Variants in MYOM2 observed in about 807,000 individuals in gnomAD.
MYOM2 encodes the protein myomesin-2.
MYOM2 carries 254 observed loss-of-function variants against 187.6 expected under a neutral mutation model. The ratio of observed to expected loss-of-function variants is 1.35; its 90% CI spans 1.22 to 1.50. The LOEUF (loss-of-function observed/expected upper bound fraction) is 1.50. MYOM2 is among the 40% of genes most tolerant of loss of function. The pLI, the probability that MYOM2 is intolerant of heterozygous loss-of-function variation, is 0.00. For synonymous variants in MYOM2, 981 were observed against 753.8 expected, an observed-to-expected ratio of 1.30 and a Z score of -4.94; for missense variants, 2,796 against 1,924.0, an observed-to-expected ratio of 1.45 and a Z score of -8.48.
rs1337238071 is a variant in MYOM2 at position 2,059,199 on chromosome 8, T to A, written c.607T>A (p.Tyr203Asn). 6.2e-7 allele frequency: 1 copy of A among 1,614,114 alleles called. No homozygotes were observed. Among genetic ancestry groups the A allele is most frequent in the Non-Finnish European group, 8.5e-7 (1 of 1,180,026 alleles). The part of the protein sequence containing the change: ...LICQAAEPGK[Y>N]RIESNYGVHT... Reference sequence around the variant, plus strand: ...TTGCCAGGCGGCTGAACCGGGAAAGTACAGGATTGAGAGCAACTATGGCGT... The same window carrying A: ...TTGCCAGGCGGCTGAACCGGGAAAGAACAGGATTGAGAGCAACTATGGCGT... The change falls in exon 6 of 37, where the codon TAC (tyrosine) becomes AAC (asparagine). Residue 203 changes from tyrosine (Y) to asparagine (N), a missense_variant. Tyr to Asn is a moderately radical substitution (Grantham distance 143). Transcript: ENST00000262113.
chr8:2,096,563 T>A, intron 18 of MYOM2, 129 bp downstream of exon 18: 1 of 894,606 alleles, frequency 1.1e-6, no homozygotes, highest in Non-Finnish European at 1.7e-6. Flanking sequence ...AATAGCATCA[T>A]GAGATCATGA....
chr8:2,059,178 C>G lies in MYOM2; in HGVS notation c.586C>G (p.Gln196Glu). The change falls in exon 6 of 37, where the codon CAG (glutamine) becomes GAG (glutamate). Residue 196 changes from glutamine (Q) to glutamate (E), a missense_variant. Gln to Glu is a conservative substitution (Grantham distance 29, BLOSUM62 2). Transcript: ENST00000262113. ...GTACAAAGATGGCAGTCTGATTTGCCAGGCGGCTGAACCGGGAAAGTACAG... is the reference window on the plus strand; with the variant it reads ...GTACAAAGATGGCAGTCTGATTTGCGAGGCGGCTGAACCGGGAAAGTACAG... The part of the protein sequence containing the change: ...QWYKDGSLIC[Q>E]AAEPGKYRIE... The G allele has an allele frequency of 6.2e-7, 1 of 1,614,148 alleles. No homozygotes were observed. Among genetic ancestry groups the G allele is most frequent in the South Asian group, 1.1e-5 (1 of 91,084 alleles).
chr8:2,100,568 G>A, intron 19 of MYOM2: 1 of 351,392 alleles, frequency 2.8e-6, no homozygotes, highest in Non-Finnish European at 5.3e-6. Context: ...TTGAGAACCT[G>A]TCCTTTCCCG....
intron 31 of MYOM2, among the ~76,000 whole-genome samples, chr8:2,125,676 C>T (rs1415385986): frequency 1.6e-5 from 2 of 128,084 alleles, no homozygotes; most frequent in African/African-American, 3.0e-5. Flanking sequence ...GGGTGAATCT[C>T]GGCTCACTGC....
chr8:2,080,288 G>A (rs572228994), intron 13 of MYOM2, among the ~76,000 whole-genome samples: 1 of 152,212 alleles, frequency 6.6e-6, no homozygotes, highest in Non-Finnish European at 1.5e-5. Flanking sequence ...TGAGCTGCTC[G>A]CTAAAATCAC....
chr8:2,100,798 G>T (rs572398694), intron 19 of MYOM2, 78 bp from the exon 20 acceptor site: 22 of 1,442,516 alleles, frequency 1.5e-5, no homozygotes, highest in Non-Finnish European at 1.9e-5. Context: ...GGAGCAGTGG[G>T]TCCCCGGGGC....
At chr8:2,078,624 G>A (rs944680739) in intron 11 of MYOM2, 110 bp from the exon 12 acceptor site, 2 of 970,352 alleles carry the variant, frequency 2.1e-6, no homozygotes, top group Non-Finnish European at 3.2e-6. Flanking sequence ...TTACTGGCGT[G>A]AGATATTGTC....
In MYOM2 at chr8:2,057,692, G is replaced by C; in HGVS notation, c.472G>C (p.Val158Leu). ...GATAAGCAGGGCTCCTGAGATCCTG[G>C]TGCGGCTGCGATCCCACACCGTCTG... ...ERISRAPEIL[V>L]RLRSHTVWER... Residue 158 changes from valine to leucine, a missense_variant, in exon 5 of 37, where the codon GTG (valine) becomes CTG (leucine). Transcript: ENST00000262113. 1 of 1,614,114 alleles carries C rather than the reference G, an allele frequency of 6.2e-7. No individual in the cohort carries two copies. The highest frequency in any genetic ancestry group is 8.5e-7 in the Non-Finnish European group (1 of 1,180,024).
chr8:2,113,973 G>C (rs575682833), intron 25 of MYOM2, among the ~76,000 whole-genome samples: 1 of 152,226 alleles, frequency 6.6e-6, no homozygotes. Context: ...CAGACGGCAG[G>C]TGGATAGGTA....
chr8:2,082,580 A>T (rs530883318), intron 13 of MYOM2, among the ~76,000 whole-genome samples: 2 of 152,288 alleles, frequency 1.3e-5, no homozygotes, highest in African/African-American at 4.8e-5. Context: ...TTGAATGGCT[A>T]TCCATGCGCT....
intron 14 of MYOM2, 23 bp from the exon 15 acceptor site, chr8:2,089,985 C>G: frequency 6.2e-7 from 1 of 1,610,976 alleles, no homozygotes; most frequent in Non-Finnish European, 8.5e-7. Flanking sequence ...CACTGCCAGT[C>G]TCGTTTCTGT....
intron 5 of MYOM2, 111 bp downstream of exon 5, chr8:2,057,891 T>G: frequency 4.5e-6 from 5 of 1,112,808 alleles, no homozygotes; most frequent in Non-Finnish European, 2.5e-6. Flanking sequence ...GCCACTTACC[T>G]TGAAACTCTA....
chr8:2,136,995 C>G (rs1259505686), intron 32 of MYOM2, among the ~76,000 whole-genome samples: 1 of 152,086 alleles, frequency 6.6e-6, no homozygotes, highest in Non-Finnish European at 1.5e-5. Context: ...CTTCATGGCT[C>G]TAAGTCTAAA....
chr8:2,097,579 A>G (rs1796537681), intron 18 of MYOM2, among the ~76,000 whole-genome samples: 1 of 152,098 alleles, frequency 6.6e-6, no homozygotes, highest in African/African-American at 2.4e-5. Context: ...CAGTGGCACG[A>G]TCTCGGCTCA....
At position 2,111,658 on chromosome 8, in the gene MYOM2, G is replaced by A. The variant is rs187257337; in HGVS notation, c.3180+2127G>A. ...GGACGGTGTATCCACTGGAATCTCA[G>A]GTCCCTCTCCTGCTCATGGTACCTC... On this transcript the variant is annotated intron_variant, in intron 25 of 36. Transcript: ENST00000262113. Among the ~76,000 whole-genome samples, 260 of 152,320 alleles carry A rather than the reference G, an allele frequency of 1.7e-3. 1 individual carries two copies. The highest frequency in any genetic ancestry group is 6.1e-3 in the African/African-American group (254 of 41,590).
At chr8:2,135,177 G>A (rs1798024876) in intron 32 of MYOM2, among the ~76,000 whole-genome samples, 1 of 152,098 alleles carries the variant, frequency 6.6e-6, no homozygotes, top group South Asian at 2.1e-4. Flanking sequence ...TTTACATCAA[G>A]CAGTTTCAGA....
At chr8:2,136,875 C>G (rs747090861) in intron 32 of MYOM2, among the ~76,000 whole-genome samples, 1 of 152,202 alleles carries the variant, frequency 6.6e-6, no homozygotes, top group Non-Finnish European at 1.5e-5. Flanking sequence ...GCCGCAAAGG[C>G]TAAAACGCTG....
chr8:2,100,424 C>T (rs1796667068), intron 19 of MYOM2: 2 of 168,352 alleles, frequency 1.2e-5, no homozygotes, highest in African/African-American at 2.4e-5. Flanking sequence ...TGGACCTGGG[C>T]CTCCGCACCA....
intron 6 of MYOM2, among the ~76,000 whole-genome samples, chr8:2,063,425 A>T (rs1353372741): frequency 6.6e-6 from 1 of 152,142 alleles, no homozygotes; most frequent in East Asian, 1.9e-4. Flanking sequence ...TTAAATTTGT[A>T]ATTGACACTG....
Sources: gnomAD v4.1 joint callset for allele counts (sites outside exome capture counted in the v4.1 genomes callset) on GRCh38, gnomAD v4.1.1 for gene constraint, MANE v1.5 for transcripts, NCBI Gene and HGNC (gene_info 2026-07-23, HGNC 2026-07-21) for gene names.